OPA1: variants seen among roughly 807,000 people sequenced by gnomAD.
The protein encoded by OPA1 is dynamin-like GTPase OPA1, mitochondrial.
In OPA1, 59 loss-of-function variants were observed where a neutral mutation model predicts 152.9. That is an observed-to-expected ratio of 0.39 (90% CI 0.31 to 0.48). The LOEUF (loss-of-function observed/expected upper bound fraction) is 0.48, where lower values mean the gene tolerates loss of function less well. Among genes scored for constraint, OPA1 ranks in the 20% least tolerant of loss-of-function variants. The pLI, the probability that OPA1 is intolerant of heterozygous loss-of-function variation, is 0.96. For missense variants in OPA1, 1,008 were observed against 1,216.8 expected (o/e 0.83, Z 2.55); for synonymous variants, 400 against 389.9 (o/e 1.03, Z -0.31).
intron 1 of OPA1, among the ~76,000 whole-genome samples, chr3:193,612,911 G>C (rs563729360): frequency 6.6e-6 from 1 of 152,100 alleles, no homozygotes; most frequent in Non-Finnish European, 1.5e-5. Flanking sequence ...AGTGGAGCTC[G>C]GAATCTGAGA....
rs138350727 is a variant in OPA1, at chr3:193,626,153, G to A, written c.740G>A (p.Arg247His). 29 of 1,613,968 alleles carry A rather than the reference G, an allele frequency of 1.8e-5. No individual in the cohort carries two copies. The highest frequency in any genetic ancestry group is 4.4e-5 in the South Asian group (4 of 91,086). The change falls in exon 7 of 31, where the codon CGC (arginine) becomes CAC (histidine). Residue 247 changes from arginine to histidine, a missense_variant. Coordinates refer to ENST00000361510, the MANE Select transcript of OPA1 (RefSeq NM_130837.3). ...ATTCAAGAGCATGAAGAGGAAGCGCGCAGAGCCGCTGGCCAATATAGCACG... is the reference window on the plus strand; with the variant it reads ...ATTCAAGAGCATGAAGAGGAAGCGCACAGAGCCGCTGGCCAATATAGCACG... ...QQIQEHEEEA[R>H]RAAGQYSTSY...
chr3:193,664,742 ATAAC>A (rs1716126439), intron 26 of OPA1, 134 bp from the exon 27 acceptor site: 3 of 614,886 alleles, frequency 4.9e-6, no homozygotes, highest in East Asian at 2.8e-5. Flanking sequence ...AAAAATTTGA[ATAAC>A]TATGTAAAGA....
chr3:193,595,805 TC>T (rs1725389319), intron 1 of OPA1, among the ~76,000 whole-genome samples: 2 of 152,186 alleles, frequency 1.3e-5, no homozygotes, highest in Admixed American at 1.3e-4. Flanking sequence ...CTTTCATTTT[TC>T]CTGTCCTTTT....
intron 29 of OPA1, among the ~76,000 whole-genome samples, chr3:193,671,008 C>G (rs926430035): frequency 6.6e-6 from 1 of 151,646 alleles, no homozygotes; most frequent in Non-Finnish European, 1.5e-5. Context: ...ATTTGGGCCC[C>G]AAAATAATGA....
intron 29 of OPA1, among the ~76,000 whole-genome samples, chr3:193,689,431 AG>A (rs1358969295): frequency 2.0e-5 from 3 of 152,204 alleles, no homozygotes; most frequent in Non-Finnish European, 4.4e-5. Context: ...TAAATATTTA[AG>A]GGAAATTCGG....
chr3:193,648,959 A>G (rs2109084911), intron 21 of OPA1, 88 bp downstream of exon 21: 3 of 983,536 alleles, frequency 3.1e-6, no homozygotes, highest in East Asian at 4.9e-5. Context: ...TAAAGCAGTG[A>G]TTTATTGTTG....
chr3:193,596,924 C>G (rs924975842), intron 1 of OPA1: 4 of 152,120 alleles, frequency 2.6e-5, no homozygotes, highest in African/African-American at 4.8e-5. Flanking sequence ...TGTGAGACTC[C>G]GTACTGAAAC....
rs1436704275 is a variant in OPA1 at position 193,648,719 on chromosome 3, G to C, written c.1936-76G>C. 1.3e-4 allele frequency: 132 copies of C among 1,049,530 alleles called. No individual in the cohort carries two copies. The East Asian group carries it at 3.2e-3, about 25-fold the overall frequency. 65.0% of individuals were successfully genotyped at this position (1,049,530 alleles called of 1,614,324 possible). Reference sequence around the variant, plus strand: ...CAGCCTAGTCAAAAACCTCCCTTTGGTTATCTCTGAAAATCATGACAGGGT... The same window carrying C: ...CAGCCTAGTCAAAAACCTCCCTTTGCTTATCTCTGAAAATCATGACAGGGT... On this transcript the variant is annotated intron_variant, in intron 20 of 30. Coordinates refer to ENST00000361510, the MANE Select transcript of OPA1 (RefSeq NM_130837.3).
chr3:193,601,706 A>G (rs188628347), intron 1 of OPA1, among the ~76,000 whole-genome samples: 150 of 152,324 alleles, frequency 9.8e-4, no homozygotes, highest in African/African-American at 3.4e-3. Context: ...TGCAAGCACA[A>G]TATACGTTTT....
intron 1 of OPA1, among the ~76,000 whole-genome samples, chr3:193,598,688 A>G (rs1725989589): frequency 6.6e-6 from 1 of 152,174 alleles, no homozygotes; most frequent in Non-Finnish European, 1.5e-5. Flanking sequence ...GGAGGATGTG[A>G]ATAGGTAAGG....
At chr3:193,663,826 C>G (rs1272020930) in intron 26 of OPA1, among the ~76,000 whole-genome samples, 1 of 152,036 alleles carries the variant, frequency 6.6e-6, no homozygotes, top group South Asian at 2.1e-4. Flanking sequence ...TTATATACAT[C>G]TAGCATTATT....
chr3:193,607,221 G>T (rs997063197), intron 1 of OPA1, among the ~76,000 whole-genome samples: 1 of 152,178 alleles, frequency 6.6e-6, no homozygotes, highest in Admixed American at 6.5e-5. Context: ...TAGGTTGCCT[G>T]TTCACTCTGA....
In OPA1 at chr3:193,648,885, AT is replaced by A. The variant is rs1373758031; in HGVS notation, c.2012+16del. ...ACCAAAACATTGGTAAGTATTTGATATTAATCTCTTTTCTGAAAGACTTTAC... is the reference window on the plus strand; with the variant it reads ...ACCAAAACATTGGTAAGTATTTGATATAATCTCTTTTCTGAAAGACTTTAC... On this transcript the variant is annotated intron_variant, in intron 21 of 30. Coordinates refer to ENST00000361510, the MANE Select transcript of OPA1 (RefSeq NM_130837.3). 4 of 1,510,640 alleles carry A rather than the reference AT, an allele frequency of 2.6e-6. No homozygotes were observed. In the Admixed American group the frequency reaches 6.7e-5, roughly 25 times the overall value. 93.6% of individuals were successfully genotyped at this position (1,510,640 alleles called of 1,614,324 possible). A position where few individuals can be genotyped will look rare whatever the true frequency, so the allele number is the denominator to read the frequency against.
rs116755441 is a variant in OPA1 at position 193,680,914 on chromosome 3, A to G, written c.2984-11149A>G. ...AGTTAACATATAAAATAACTTTTTA[A>G]GTTTTTTGTGATAATTTAAGTGTGG... is the stretch of plus-strand genomic sequence containing the variant. On this transcript the variant is annotated intron_variant, in intron 29 of 30. Coordinates refer to ENST00000361510, the MANE Select transcript of OPA1 (RefSeq NM_130837.3). 4.8e-3 allele frequency among the ~76,000 whole-genome samples: 733 copies of G among 152,290 alleles called. 3 individuals are homozygous for G. The highest frequency in any genetic ancestry group is 8.2e-3 in the Non-Finnish European group (556 of 68,010).
chr3:193,665,261 A>AT (rs1041965103), intron 27 of OPA1, among the ~76,000 whole-genome samples: 1 of 105,630 alleles, frequency 9.5e-6, no homozygotes, highest in African/African-American at 4.3e-5. Context: ...AATAGTAAAA[A>AT]AAATAAATAA....
intron 10 of OPA1, 142 bp from the exon 11 acceptor site, chr3:193,637,810 C>T (rs1934716728): frequency 2.7e-6 from 2 of 730,872 alleles, no homozygotes; most frequent in Non-Finnish European, 4.8e-6. Context: ...CATCAATCAC[C>T]ATTTTTTTAC....
At chr3:193,669,040 G>A in intron 29 of OPA1, 1 of 225,640 alleles carries the variant, frequency 4.4e-6, no homozygotes, top group Admixed American at 6.0e-5. Context: ...TTAGTTTTCT[G>A]ATATCTAAAA....
intron 22 of OPA1, among the ~76,000 whole-genome samples, chr3:193,656,146 C>T (rs923677650): frequency 5.9e-5 from 9 of 152,126 alleles, no homozygotes; most frequent in East Asian, 1.9e-4. Context: ...ATTTTTTCTG[C>T]GCCCTGTCCC....
intron 1 of OPA1, among the ~76,000 whole-genome samples, chr3:193,594,668 G>A (rs867117175): frequency 1.1e-3 from 172 of 152,290 alleles, no homozygotes; most frequent in African/African-American, 3.8e-3. Context: ...GATTACAACC[G>A]TGAGCCACCG....
Sources: allele counts gnomAD v4.1 joint callset (sites outside exome capture counted in the v4.1 genomes callset), GRCh38; gene constraint gnomAD v4.1.1; transcripts MANE v1.5; gene names NCBI Gene and HGNC (gene_info 2026-07-23, HGNC 2026-07-21).